PWP1: variants seen among roughly 807,000 people sequenced by gnomAD.
The protein encoded by PWP1 is PWP1 homolog, endonuclein, also known as periodic tryptophan protein 1 homolog.
A neutral mutation model predicts 69.9 loss-of-function variants in PWP1; 47 were observed. The observed-to-expected ratio is 0.67, with a 90% CI of 0.53 to 0.86. The LOEUF (loss-of-function observed/expected upper bound fraction) is 0.86, where lower values mean the gene tolerates loss of function less well. Ranked by LOEUF, PWP1 falls within the 40% of genes least tolerant of loss-of-function variation. PWP1 has a pLI of 0.00. For synonymous variants in PWP1, 222 were observed against 208.2 expected, an observed-to-expected ratio of 1.07 and a Z score of -0.57; for missense variants, 551 against 608.8, an observed-to-expected ratio of 0.91 and a Z score of 1.00.
rs568862294 is a variant in PWP1, at chr12:107,707,883, G to A, written c.1078-1043G>A. Among the ~76,000 whole-genome samples the A allele has an allele frequency of 4.3e-3, 652 of 151,990 alleles. 2 individuals are homozygous for A. The highest frequency in any genetic ancestry group is 0.013 in the East Asian group (68 of 5,166). On this transcript the variant is annotated intron_variant, in intron 11 of 14. Coordinates refer to ENST00000412830, the MANE Select transcript of PWP1 (RefSeq NM_007062.3). ...TCTGTTTTTTCGTTGTGTCTCTGCC[G>A]GGCTTTGGTATCAGGGTGATGCTGG...
chr12:107,705,449 C>T (rs892372111), intron 11 of PWP1, among the ~76,000 whole-genome samples: 7 of 150,906 alleles, frequency 4.6e-5, no homozygotes, highest in East Asian at 1.9e-4. Context: ...TATACATGTG[C>T]GATGTTGGTG....
rs1593150686 is a variant in PWP1, at chr12:107,709,185, A to G, written c.1243A>G (p.Ile415Val). Residue 415 changes from isoleucine to valine, a missense_variant, in exon 13 of 15, where the codon ATC (isoleucine) becomes GTC (valine). Coordinates refer to ENST00000412830, the MANE Select transcript of PWP1 (RefSeq NM_007062.3). ...TGACAAATACGTGAAGATCTGGGACATCTTAGGAGATAGGCCAAGTCTAGT... is the reference window on the plus strand; with the variant it reads ...TGACAAATACGTGAAGATCTGGGACGTCTTAGGAGATAGGCCAAGTCTAGT... ...SADKYVKIWD[I>V]LGDRPSLVHS... 2.5e-6 allele frequency: 4 copies of G among 1,613,934 alleles called. No individual in the cohort carries two copies. The highest frequency in any genetic ancestry group is 2.7e-5 in the African/African-American group (2 of 75,034).
At chr12:107,691,406 G>A (rs548690647) in intron 3 of PWP1, among the ~76,000 whole-genome samples, 2 of 152,306 alleles carry the variant, frequency 1.3e-5, no homozygotes, top group East Asian at 3.9e-4. Context: ...AATCATTAAA[G>A]GTTTTTGAGC....
intron 3 of PWP1, among the ~76,000 whole-genome samples, chr12:107,691,894 C>T (rs1213225079): frequency 3.3e-5 from 5 of 152,180 alleles, no homozygotes; most frequent in African/African-American, 4.8e-5. Context: ...CATTTACCAG[C>T]GGCACACAGC....
intron 8 of PWP1, among the ~76,000 whole-genome samples, 194 bp downstream of exon 8, chr12:107,699,628 CTG>C (rs907839211): frequency 1.3e-5 from 2 of 152,120 alleles, no homozygotes; most frequent in Admixed American, 6.5e-5. Flanking sequence ...CAGCTCATCA[CTG>C]TGGGTGCTCA....
chr12:107,710,586 C>T (rs1190209098), intron 14 of PWP1, 76 bp downstream of exon 14: 1 of 1,436,556 alleles, frequency 7.0e-7, no homozygotes, highest in Non-Finnish European at 9.2e-7. Flanking sequence ...CAGGGTCTCA[C>T]CATGTTGCCC....
chr12:107,685,828 G>A lies in PWP1; in HGVS notation c.-72G>A, dbSNP rs1889350682. 3 of 1,524,896 alleles carry A rather than the reference G, an allele frequency of 2.0e-6. No individual in the cohort carries two copies. The highest frequency in any genetic ancestry group is 1.4e-5 in the African/African-American group (1 of 73,096). The allele number at this position is 1,524,896 out of a possible 1,614,324, so 94.5% of individuals were successfully genotyped here. A position where few individuals can be genotyped will look rare whatever the true frequency, so the allele number is the denominator to read the frequency against. ...GCCCTGTGCAGATCCCTGAGCGTGTGGCAGCAGTGCGGTCGTGGTCCCTCC... is the reference window on the plus strand; with the variant it reads ...GCCCTGTGCAGATCCCTGAGCGTGTAGCAGCAGTGCGGTCGTGGTCCCTCC... On this transcript the variant is annotated 5_prime_UTR_variant, in exon 1 of 15. Transcript: ENST00000412830.
chr12:107,686,733 A>G (rs534685670), intron 1 of PWP1, among the ~76,000 whole-genome samples: 11 of 152,264 alleles, frequency 7.2e-5, no homozygotes, highest in African/African-American at 1.7e-4. Context: ...TTGGGAGGCC[A>G]AGGCGGGCGG....
At chr12:107,686,052 C>T (rs949069374) in intron 1 of PWP1, 81 bp downstream of exon 1, 2 of 1,504,436 alleles carry the variant, frequency 1.3e-6, no homozygotes, top group East Asian at 4.6e-5. Flanking sequence ...AACGTGGACC[C>T]GGAACTCGGG....
chr12:107,703,689 A>G lies in PWP1; in HGVS notation c.908A>G (p.Gln303Arg). 1.9e-6 allele frequency: 3 copies of G among 1,605,306 alleles called. No individual in the cohort carries two copies. The highest frequency in any genetic ancestry group is 2.6e-6 in the Non-Finnish European group (3 of 1,172,038). ...ATTTATGTTTCCTCCCTTTAGGTCC[A>G]AACACTGCAGTTTCATCCATTTGAA... ...ASLAVHTDKV[Q>R]TLQFHPFEAQ... is the part of the protein sequence containing the mutation. Residue 303 changes from glutamine to arginine, a missense_variant, in exon 10 of 15, where the codon CAA becomes CGA. By Grantham distance (43) the Gln-to-Arg change is conservative. Transcript: ENST00000412830.
intron 7 of PWP1, among the ~76,000 whole-genome samples, chr12:107,698,842 G>A (rs1342096861): frequency 2.6e-5 from 4 of 152,278 alleles, no homozygotes; most frequent in African/African-American, 4.8e-5. Context: ...ATGTTCCCAC[G>A]TTAGCTTCCC....
At chr12:107,710,757 T>C (rs537677699) in intron 14 of PWP1, among the ~76,000 whole-genome samples, 1 of 152,314 alleles carries the variant, frequency 6.6e-6, no homozygotes, top group East Asian at 1.9e-4. Flanking sequence ...CTCAGCATTT[T>C]GGCTAAGACC....
intron 7 of PWP1, chr12:107,697,859 T>C (rs1889623108): frequency 2.0e-6 from 1 of 507,662 alleles, no homozygotes; most frequent in Non-Finnish European, 3.8e-6. Flanking sequence ...GAATAGCTAC[T>C]ATAGATGAAG....
At chr12:107,705,849 A>G (rs1370154138) in intron 11 of PWP1, among the ~76,000 whole-genome samples, 2 of 102,974 alleles carry the variant, frequency 1.9e-5, no homozygotes, top group Non-Finnish European at 2.3e-5. Context: ...GTATGTGCAC[A>G]TATGCACATA....
Position 107,692,899 on chromosome 12 carries a change from A to T in PWP1, c.405A>T (p.Thr135=). The T allele has an allele frequency of 6.2e-7, 1 of 1,613,196 alleles. No homozygotes were observed. Among genetic ancestry groups the T allele is most frequent in the Non-Finnish European group, 8.5e-7 (1 of 1,179,862 alleles). The change falls in exon 4 of 15, where the codon ACA becomes ACT. Residue 135 remains threonine (T), a splice_region_variant and synonymous_variant. Transcript: ENST00000412830. ...ATCCTTACGTTACTCTGAAAGATAC[A>T]GTAAGTATTTACATCTTTTTTCTAA... ...DQDPYVTLKD[T]EQYEREDFLI...
intron 10 of PWP1, 96 bp downstream of exon 10, chr12:107,703,842 G>A: frequency 8.9e-7 from 1 of 1,127,770 alleles, no homozygotes; most frequent in Non-Finnish European, 1.3e-6. Context: ...ATGTATCCTT[G>A]AGGCCACCTT....
In PWP1 at chr12:107,693,068, A is replaced by G; in HGVS notation, c.474A>G (p.Glu158=). 6.2e-7 allele frequency: 1 copy of G among 1,614,062 alleles called. No homozygotes were observed. Among genetic ancestry groups the G allele is most frequent in the South Asian group, 1.1e-5 (1 of 91,046 alleles). ...SDNLIVCGRA[E]QDQCNLEVHV... ...ATCTTATAGTTTGTGGCCGAGCTGA[A>G]CAGGACCAGTGCAATTTAGAGGTGC... Residue 158 remains glutamate, a synonymous_variant, in exon 5 of 15, where the codon GAA becomes GAG. Transcript: ENST00000412830.
chr12:107,693,810 T>G (rs1425712064), intron 5 of PWP1, among the ~76,000 whole-genome samples: 1 of 152,224 alleles, frequency 6.6e-6, no homozygotes, highest in African/African-American at 2.4e-5. Flanking sequence ...AATTTTTTTT[T>G]CTGGCTACTT....
chr12:107,698,342 G>A (rs549025602), intron 7 of PWP1, among the ~76,000 whole-genome samples: 2 of 152,130 alleles, frequency 1.3e-5, no homozygotes, highest in South Asian at 4.1e-4. Context: ...GTGTGACAGA[G>A]CGAGACTCTG....
Sources: allele counts gnomAD v4.1 joint callset (sites outside exome capture counted in the v4.1 genomes callset), GRCh38; gene constraint gnomAD v4.1.1; transcripts MANE v1.5; gene names NCBI Gene and HGNC (gene_info 2026-07-23, HGNC 2026-07-21).